The following PKNOX1 variants were observed in gnomAD, a reference collection of about 807,000 sequenced individuals.
PKNOX1 encodes homeobox protein PKNOX1.
PKNOX1 carries 15 observed loss-of-function variants against 51.9 expected under a neutral mutation model. The ratio of observed to expected loss-of-function variants is 0.29; its 90% confidence interval spans 0.19 to 0.45. The LOEUF (loss-of-function observed/expected upper bound fraction) is 0.45, where lower values mean the gene tolerates loss of function less well. PKNOX1 is among the 20% of genes least tolerant of loss of function. The pLI, the probability that PKNOX1 is intolerant of heterozygous loss-of-function variation, is 1.00. For synonymous variants in PKNOX1, 219 were observed against 211.1 expected (o/e 1.04, Z -0.32); for missense variants, 462 against 547.5 (o/e 0.84, Z 1.56).
chr21:43,027,024 A>G (rs1980011853), intron 9 of PKNOX1, among the ~76,000 whole-genome samples: 1 of 152,220 alleles, frequency 6.6e-6, no homozygotes, highest in East Asian at 1.9e-4. Flanking sequence ...GGGGCATTAA[A>G]AAAAGAAAGA....
chr21:42,996,759 G>T (rs1978522545), intron 1 of PKNOX1, among the ~76,000 whole-genome samples: 2 of 152,064 alleles, frequency 1.3e-5, no homozygotes, highest in Non-Finnish European at 2.9e-5. Context: ...GTAGAGATGG[G>T]GTCTCGTTCT....
intron 3 of PKNOX1, among the ~76,000 whole-genome samples, chr21:43,008,742 G>C (rs1979109438): frequency 6.6e-6 from 1 of 151,770 alleles, no homozygotes; most frequent in Non-Finnish European, 1.5e-5. Flanking sequence ...TCATGCCACT[G>C]TACTCCAGTC....
At chr21:42,997,957 A>G (rs1021366080) in intron 1 of PKNOX1, among the ~76,000 whole-genome samples, 4 of 152,130 alleles carry the variant, frequency 2.6e-5, no homozygotes, top group Admixed American at 6.5e-5. Context: ...GGCAGAGGCA[A>G]TTTTAAGCAT....
At chr21:43,007,667 T>C in intron 3 of PKNOX1, 49 bp downstream of exon 3, 3 of 1,607,270 alleles carry the variant, frequency 1.9e-6, no homozygotes, top group Non-Finnish European at 2.6e-6. Context: ...GTGAGGAGTG[T>C]CCACAAGTTT....
chr21:42,997,303 C>G (rs1978549231), intron 1 of PKNOX1, among the ~76,000 whole-genome samples: 1 of 152,204 alleles, frequency 6.6e-6, no homozygotes, highest in Non-Finnish European at 1.5e-5. Flanking sequence ...GCAGACGCTG[C>G]CTGTGTGGGG....
At chr21:43,029,710 C>A (rs1980160421) in intron 10 of PKNOX1, among the ~76,000 whole-genome samples, 180 bp from the exon 11 acceptor site, 1 of 152,166 alleles carries the variant, frequency 6.6e-6, no homozygotes, top group Non-Finnish European at 1.5e-5. Flanking sequence ...GGATTACAGG[C>A]ATGAGCTACC....
chr21:43,000,625 C>T (rs949390698), intron 1 of PKNOX1, among the ~76,000 whole-genome samples: 1 of 152,180 alleles, frequency 6.6e-6, no homozygotes, highest in Non-Finnish European at 1.5e-5. Context: ...AACCATATCA[C>T]ACCTGTAATC....
intron 1 of PKNOX1, among the ~76,000 whole-genome samples, chr21:42,981,014 C>T (rs9637290): frequency 0.5 from 75,960 of 152,104 alleles, 18,995 homozygotes; most frequent in Middle Eastern, 0.59. Flanking sequence ...GAAATAAAAA[C>T]GGCACAGATA....
intron 1 of PKNOX1, among the ~76,000 whole-genome samples, chr21:42,987,172 A>G (rs1451169380): frequency 2.0e-5 from 3 of 151,850 alleles, no homozygotes; most frequent in Non-Finnish European, 4.4e-5. Flanking sequence ...ACCTGAGGCC[A>G]GGAGTTCAAG....
At chr21:42,976,862 T>A (rs1399018522) in intron 1 of PKNOX1, among the ~76,000 whole-genome samples, 1 of 152,256 alleles carries the variant, frequency 6.6e-6, no homozygotes, top group Non-Finnish European at 1.5e-5. Context: ...GTTTTCAGTT[T>A]ACTTTGCCCA....
At chr21:43,018,781 A>G (rs972385116) in intron 7 of PKNOX1, among the ~76,000 whole-genome samples, 1 of 151,900 alleles carries the variant, frequency 6.6e-6, no homozygotes, top group Non-Finnish European at 1.5e-5. Flanking sequence ...GGTGTGTGTT[A>G]TCAGTTCTTA....
chr21:42,983,294 C>A (rs2059036160), intron 1 of PKNOX1, among the ~76,000 whole-genome samples: 1 of 70,394 alleles, frequency 1.4e-5, no homozygotes, highest in Non-Finnish European at 2.9e-5. Flanking sequence ...CACTGCCTCC[C>A]CATCTCCCCT....
intron 2 of PKNOX1, among the ~76,000 whole-genome samples, chr21:43,005,534 CTT>C (rs35211045): frequency 3.4e-4 from 49 of 145,098 alleles, no homozygotes; most frequent in East Asian, 1.2e-3. Context: ...TTCCAATTGA[CTT>C]TTTTTTTTTT....
At chr21:43,006,700 C>T (rs1979001460) in intron 2 of PKNOX1, among the ~76,000 whole-genome samples, 1 of 152,186 alleles carries the variant, frequency 6.6e-6, no homozygotes. Flanking sequence ...GATGGCCCCG[C>T]TCCCATGAGG....
rs572186727 is a variant in PKNOX1, at chr21:43,012,806, C to A, written c.352-262C>A. Among the ~76,000 whole-genome samples, 7 of 152,262 alleles carry A rather than the reference C, an allele frequency of 4.6e-5. No individual in the cohort carries two copies. In the East Asian group the frequency reaches 1.4e-3, roughly 29 times the overall value. The stretch of plus-strand genomic sequence containing the variant: ...GAAGGGCTAGGCTTTGGCTCACAGC[C>A]CACACACCTAGCACTGGGATGCACC... On this transcript the variant is annotated intron_variant, in intron 4 of 10. Transcript: ENST00000291547.
Position 43,010,071 on chromosome 21 carries a change from A to G in PKNOX1, c.198A>G (p.Leu66=). 6.4e-7 allele frequency: 1 copy of G among 1,564,490 alleles called. No individual in the cohort carries two copies. ...QAIYRHPLFP[L]LALLFEKCEQ... ...TCCTCAGGCATCCACTATTTCCATT[A>G]TTAGCTTTGTTGTTTGAAAAATGTG... Residue 66 remains leucine (L), a synonymous_variant, in exon 4 of 11, where the codon TTA becomes TTG. Coordinates refer to ENST00000291547, the MANE Select transcript of PKNOX1 (RefSeq NM_004571.5).
chr21:43,005,851 A>G (rs1225468715), intron 2 of PKNOX1, among the ~76,000 whole-genome samples: 1 of 152,106 alleles, frequency 6.6e-6, no homozygotes, highest in African/African-American at 2.4e-5. Flanking sequence ...CCTGGTTGCT[A>G]CCAGCCACCT....
At chr21:42,976,997 A>G (rs139776568) in intron 1 of PKNOX1, among the ~76,000 whole-genome samples, 1 of 152,360 alleles carries the variant, frequency 6.6e-6, no homozygotes, top group African/African-American at 2.4e-5. Flanking sequence ...GTGTTAGCAG[A>G]CATGAAGACA....
chr21:43,000,008 G>A (rs932225628), intron 1 of PKNOX1, among the ~76,000 whole-genome samples: 21 of 151,954 alleles, frequency 1.4e-4, no homozygotes, highest in Non-Finnish European at 8.8e-5. Context: ...AACATAACAA[G>A]TCACCTTTGC....
Sources: allele counts gnomAD v4.1 joint callset (sites outside exome capture counted in the v4.1 genomes callset), GRCh38; gene constraint gnomAD v4.1.1; transcripts MANE v1.5; gene names NCBI Gene and HGNC (gene_info 2026-07-23, HGNC 2026-07-21).